COL4A6: variants seen among roughly 807,000 people sequenced by gnomAD.
COL4A6 encodes the protein collagen alpha-6(IV) chain.
COL4A6 carries 59 observed loss-of-function variants against 126.7 expected under a neutral mutation model. That is an observed-to-expected ratio of 0.47 (90% CI 0.38 to 0.58). COL4A6 has a LOEUF of 0.58. COL4A6 is among the 20% of genes least tolerant of loss of function. COL4A6 has a pLI of 0.00. For synonymous variants in COL4A6, 547 were observed against 496.6 expected, an observed-to-expected ratio of 1.10 and a Z score of -1.35; for missense variants, 1,285 against 1,337.3, an observed-to-expected ratio of 0.96 and a Z score of 0.61.
At chrX:108,358,035 T>A (rs1603154960) in intron 2 of COL4A6, among the ~76,000 whole-genome samples, 1 of 111,774 alleles carries the variant, frequency 8.9e-6, no homozygotes, top group African/African-American at 3.2e-5. Context: ...TTGTATAATA[T>A]CATTAGCCCT....
intron 2 of COL4A6, among the ~76,000 whole-genome samples, chrX:108,426,315 C>T (rs956910724): frequency 6.2e-5 from 7 of 112,169 alleles, no homozygotes; most frequent in African/African-American, 2.3e-4. Context: ...AGGTGCCAGA[C>T]AATTCTGGGA....
Position 108,164,565 on chromosome X carries a change from G to C in COL4A6, c.4069+35C>G, listed in dbSNP as rs774779338. ...CCTTACCACCAGGCCCCTCCCTCGA[G>C]CTCTGGATCAGCCCAGCACATGCTC... On this transcript the variant is annotated intron_variant, in intron 40 of 44. Transcript: ENST00000334504. The C allele has an allele frequency of 6.8e-6, 8 of 1,168,652 alleles. No individual in the cohort carries two copies. The South Asian group carries it at 1.4e-4, about 21-fold the overall frequency.
intron 2 of COL4A6, among the ~76,000 whole-genome samples, chrX:108,372,502 A>G (rs1603181979): frequency 8.9e-6 from 1 of 112,103 alleles, no homozygotes; most frequent in Admixed American, 9.5e-5. Flanking sequence ...ACTGATTGGG[A>G]CCAGGCAGAT....
chrX:108,188,372 C>T, intron 21 of COL4A6, 145 bp downstream of exon 21: 1 of 531,108 alleles, frequency 1.9e-6, no homozygotes, highest in Non-Finnish European at 2.8e-6. Context: ...ACTCTATAGT[C>T]AGATTTCATG....
At chrX:108,322,674 T>C (rs2039059390) in intron 2 of COL4A6, among the ~76,000 whole-genome samples, 1 of 112,076 alleles carries the variant, frequency 8.9e-6, no homozygotes, top group African/African-American at 3.2e-5. Context: ...GAAGCCTCTT[T>C]TTCCTCTGTT....
chrX:108,325,459 G>T (rs1006793138), intron 2 of COL4A6, among the ~76,000 whole-genome samples: 9 of 111,543 alleles, frequency 8.1e-5, no homozygotes, highest in African/African-American at 2.9e-4. Context: ...AATTGAATTT[G>T]CAGTTAAAAA....
intron 3 of COL4A6, among the ~76,000 whole-genome samples, chrX:108,244,792 G>T (rs781107941): frequency 1.8e-5 from 2 of 111,414 alleles, no homozygotes; most frequent in Admixed American, 9.5e-5. Context: ...ATTTCCTAAG[G>T]TTCACTCTTT....
chrX:108,204,684 G>C, intron 11 of COL4A6: 1 of 388,337 alleles, frequency 2.6e-6, no homozygotes, highest in Non-Finnish European at 4.6e-6. Context: ...AGGATGTTTA[G>C]AAGAGATTAA....
intron 3 of COL4A6, among the ~76,000 whole-genome samples, chrX:108,246,622 T>C (rs1382405729): frequency 8.9e-6 from 1 of 111,983 alleles, no homozygotes; most frequent in East Asian, 2.8e-4. Context: ...AAGGAGACTT[T>C]TGAAGCTACA....
rs371131202 is a variant in COL4A6 at position 108,193,666 on chromosome X, G to C, written c.1034C>G (p.Pro345Arg). Reference protein sequence around the residue: ...GQKGDIGLPGPDVFIDIDGAV... With the variant: ...GQKGDIGLPGRDVFIDIDGAV... ...ACCATCTATATCGATGAAAACATCT[G>C]GGCCTGGCAGGCCAATGTCACCCTT... is the stretch of plus-strand genomic sequence containing the variant. The change falls in exon 17 of 45, where the codon CCA becomes CGA. Residue 345 changes from proline (P) to arginine (R), a missense_variant. Physicochemically the swap from Pro to Arg is moderately radical, Grantham distance 103 (BLOSUM62 -2). Coordinates refer to ENST00000334504, the MANE Select transcript of COL4A6 (RefSeq NM_033641.4). 3.4e-5 allele frequency: 41 copies of C among 1,207,861 alleles called. No homozygotes were observed. The highest frequency in any genetic ancestry group is 4.5e-5 in the Non-Finnish European group (40 of 893,263).
At chrX:108,343,984 T>C (rs1358872866) in intron 2 of COL4A6, among the ~76,000 whole-genome samples, 2 of 111,099 alleles carry the variant, frequency 1.8e-5, no homozygotes, top group Non-Finnish European at 3.8e-5. Context: ...AGGGATAAAA[T>C]AAAATTGCAT....
At chrX:108,303,445 A>G (rs2038547407) in intron 3 of COL4A6, among the ~76,000 whole-genome samples, 1 of 112,029 alleles carries the variant, frequency 8.9e-6, no homozygotes, top group South Asian at 3.8e-4. Flanking sequence ...TCATGTCTTA[A>G]TATCTGATGT....
intron 2 of COL4A6, among the ~76,000 whole-genome samples, chrX:108,340,839 G>C (rs1410616610): frequency 7.5e-5 from 2 of 26,491 alleles, no homozygotes; most frequent in African/African-American, 2.4e-4. Flanking sequence ...CTAGTGGGGT[G>C]GGGGGGGGGA....
intron 1 of COL4A6, 25 bp downstream of exon 1, chrX:108,438,161 G>A: frequency 8.3e-7 from 1 of 1,208,592 alleles, no homozygotes. Flanking sequence ...AAAGAGGAGG[G>A]GAGCTCGGGG....
chrX:108,434,058 C>T (rs2064220523), intron 2 of COL4A6, among the ~76,000 whole-genome samples: 1 of 111,939 alleles, frequency 8.9e-6, no homozygotes, highest in Non-Finnish European at 1.9e-5. Flanking sequence ...TTACTCCAGT[C>T]ATATGGCTTG....
chrX:108,369,034 G>A (rs762607761), intron 2 of COL4A6, among the ~76,000 whole-genome samples: 132 of 111,892 alleles, frequency 1.2e-3, no homozygotes, highest in Non-Finnish European at 2.4e-3. Flanking sequence ...TAGTAAATAC[G>A]AAAACCAGTA....
At chrX:108,287,728 A>G (rs1322086895) in intron 3 of COL4A6, among the ~76,000 whole-genome samples, 1 of 111,640 alleles carries the variant, frequency 9.0e-6, no homozygotes, top group Non-Finnish European at 1.9e-5. Flanking sequence ...GAGGACTCCA[A>G]ATATCTCCGG....
intron 23 of COL4A6, among the ~76,000 whole-genome samples, chrX:108,184,199 G>A (rs910539523): frequency 8.9e-6 from 1 of 112,281 alleles, no homozygotes; most frequent in African/African-American, 3.2e-5. Context: ...GGGACCACAG[G>A]TTATTTGTTT....
At chrX:108,231,330 G>T (rs1030174930) in intron 3 of COL4A6, among the ~76,000 whole-genome samples, 89 of 112,230 alleles carry the variant, frequency 7.9e-4, no homozygotes, top group African/African-American at 2.7e-3. Context: ...ACTGGTTATT[G>T]TCAGCATGTT....
Sources: allele counts gnomAD v4.1 joint callset (sites outside exome capture counted in the v4.1 genomes callset), GRCh38; gene constraint gnomAD v4.1.1; transcripts MANE v1.5; gene names NCBI Gene and HGNC (gene_info 2026-07-23, HGNC 2026-07-21).